The following DLG2 variants were observed in gnomAD, a reference collection of about 807,000 sequenced individuals.
DLG2 encodes discs large MAGUK scaffold protein 2, also known as disks large homolog 2.
DLG2 carries 45 observed loss-of-function variants against 132.5 expected under a neutral mutation model. The observed-to-expected ratio is 0.34, with a 90% CI of 0.27 to 0.44. The LOEUF (loss-of-function observed/expected upper bound fraction) is 0.44, where lower values mean the gene tolerates loss of function less well. Ranked by LOEUF, DLG2 falls within the 20% of genes least tolerant of loss-of-function variation. The probability of loss-of-function intolerance (pLI) is 1.00; values close to 1 mark genes in which losing one functional copy is unlikely to be tolerated. For synonymous variants in DLG2, 424 were observed against 419.6 expected (o/e 1.01, Z -0.13); for missense variants, 1,045 against 1,196.9 (o/e 0.87, Z 1.87).
chr11:84,718,719 A>G (rs1371936322), intron 6 of DLG2, among the ~76,000 whole-genome samples: 1 of 152,220 alleles, frequency 6.6e-6, no homozygotes, highest in Non-Finnish European at 1.5e-5. Flanking sequence ...GCTACTGTAA[A>G]TGCAGTTAGG....
intron 19 of DLG2, among the ~76,000 whole-genome samples, chr11:83,601,698 CTT>C (rs112574269): frequency 6.9e-6 from 1 of 143,998 alleles, no homozygotes. Flanking sequence ...ATATTTCTTT[CTT>C]TTTTTTTTTG....
chr11:83,665,202 C>T (rs897291489), intron 18 of DLG2, among the ~76,000 whole-genome samples: 3 of 152,050 alleles, frequency 2.0e-5, no homozygotes, highest in African/African-American at 4.8e-5. Context: ...GCCAAGCTAC[C>T]GTAAAATAGA....
chr11:83,669,254 C>A (rs549731962), intron 18 of DLG2, among the ~76,000 whole-genome samples: 1 of 152,128 alleles, frequency 6.6e-6, no homozygotes, highest in African/African-American at 2.4e-5. Flanking sequence ...TAATTTACTG[C>A]AAAATAATAT....
Position 84,225,063 on chromosome 11 carries a change from T to C in DLG2, c.573+26175A>G, listed in dbSNP as rs538141625. Among the ~76,000 whole-genome samples, 5 of 152,298 alleles carry C rather than the reference T, an allele frequency of 3.3e-5. No homozygotes were observed. The South Asian group carries it at 1.0e-3, about 32-fold the overall frequency. On this transcript the variant is annotated intron_variant, in intron 8 of 27. Transcript: ENST00000376104. ...CCCTCTTCACAGTTACCATACTAAG[T>C]TTTGTTGGTCTGTTTACATATCTTT...
intron 6 of DLG2, among the ~76,000 whole-genome samples, chr11:84,622,331 T>C (rs907322931): frequency 1.3e-5 from 2 of 152,216 alleles, no homozygotes; most frequent in African/African-American, 4.8e-5. Context: ...GATAGGAGCA[T>C]ATGACTGTAT....
At chr11:83,981,544 C>T (rs558436441) in intron 11 of DLG2, among the ~76,000 whole-genome samples, 11 of 152,202 alleles carry the variant, frequency 7.2e-5, no homozygotes, top group East Asian at 5.8e-4. Context: ...CGGCTTCAAG[C>T]GGTTCTCCTG....
chr11:83,649,743 C>A (rs1420651238), intron 18 of DLG2, among the ~76,000 whole-genome samples: 1 of 152,122 alleles, frequency 6.6e-6, no homozygotes, highest in African/African-American at 2.4e-5. Context: ...ATGGGAGGCA[C>A]TAACAGGAGA....
At chr11:84,378,129 A>G (rs2098736337) in intron 7 of DLG2, among the ~76,000 whole-genome samples, 1 of 152,156 alleles carries the variant, frequency 6.6e-6, no homozygotes, top group South Asian at 2.1e-4. Context: ...CTGTATTTGG[A>G]GATGGGGCCC....
At chr11:85,532,762 T>A (rs1415876702) in intron 3 of DLG2, among the ~76,000 whole-genome samples, 5 of 152,194 alleles carry the variant, frequency 3.3e-5, no homozygotes, top group Non-Finnish European at 7.3e-5. Context: ...GATCTGCCCA[T>A]AGAAAAGGCT....
At chr11:84,940,160 G>C (rs1358783846) in intron 6 of DLG2, among the ~76,000 whole-genome samples, 2 of 152,002 alleles carry the variant, frequency 1.3e-5, no homozygotes, top group African/African-American at 4.8e-5. Context: ...GTTGTGATTT[G>C]CATTTTTTTA....
chr11:85,306,815 G>A (rs1396928465), intron 3 of DLG2, among the ~76,000 whole-genome samples: 3 of 152,044 alleles, frequency 2.0e-5, no homozygotes, highest in Non-Finnish European at 2.9e-5. Context: ...CTCGTGATCC[G>A]CCCACCTTGG....
chr11:84,525,166 A>G (rs1484813752), intron 7 of DLG2, among the ~76,000 whole-genome samples: 2 of 151,940 alleles, frequency 1.3e-5, no homozygotes, highest in African/African-American at 2.4e-5. Context: ...AATCCCATCC[A>G]TTTTCACAAC....
intron 4 of DLG2, among the ~76,000 whole-genome samples, chr11:85,186,003 C>T (rs529212848): frequency 6.6e-6 from 1 of 152,044 alleles, no homozygotes; most frequent in African/African-American, 2.4e-5. Flanking sequence ...TACCAAAGCT[C>T]ATTTCTTTAT....
intron 18 of DLG2, chr11:83,647,538 GCCTTTAATACCCAAGT>G (rs1174606867): frequency 7.2e-5 from 11 of 152,062 alleles, no homozygotes; most frequent in African/African-American, 2.4e-4. Context: ...GATACCCAAG[GCCTTTAATACCCAAGT>G]CCTTCCAGGA....
At chr11:85,153,194 A>G (rs558535193) in intron 5 of DLG2, among the ~76,000 whole-genome samples, 1 of 152,342 alleles carries the variant, frequency 6.6e-6, no homozygotes, top group Admixed American at 6.5e-5. Context: ...AATTTGTGAT[A>G]GAGCCAAGAT....
chr11:83,698,358 G>A (rs1191748372), intron 18 of DLG2, among the ~76,000 whole-genome samples: 1 of 152,166 alleles, frequency 6.6e-6, no homozygotes, highest in African/African-American at 2.4e-5. Context: ...ATTATAATGT[G>A]CAGAAGAACA....
intron 6 of DLG2, among the ~76,000 whole-genome samples, chr11:84,829,332 C>T (rs1265507188): frequency 6.6e-6 from 1 of 151,562 alleles, no homozygotes; most frequent in African/African-American, 2.4e-5. Flanking sequence ...TTTTTCTCTG[C>T]CTGAAGACTT....
intron 3 of DLG2, among the ~76,000 whole-genome samples, chr11:85,584,135 C>G (rs2078806174): frequency 6.6e-6 from 1 of 151,948 alleles, no homozygotes; most frequent in Admixed American, 6.6e-5. Flanking sequence ...TACACTGTAC[C>G]CAATGTGTAG....
chr11:83,962,839 T>G, intron 14 of DLG2, 46 bp downstream of exon 14: 1 of 1,601,118 alleles, frequency 6.2e-7, no homozygotes, highest in East Asian at 2.2e-5. Context: ...TGTGATTTCT[T>G]TCTGGTAATA....
Sources: allele counts gnomAD v4.1 joint callset (sites outside exome capture counted in the v4.1 genomes callset), GRCh38; gene constraint gnomAD v4.1.1; transcripts MANE v1.5; gene names NCBI Gene and HGNC (gene_info 2026-07-23, HGNC 2026-07-21).